LPIN1: variants seen among roughly 807,000 people sequenced by gnomAD.
LPIN1 encodes lipin 1, also known as phosphatidate phosphatase LPIN1.
LPIN1 carries 71 observed loss-of-function variants against 107.5 expected under a neutral mutation model. The ratio of observed to expected loss-of-function variants is 0.66; its 90% CI spans 0.55 to 0.80. LPIN1 has a LOEUF of 0.80. LPIN1 is among the 30% of genes least tolerant of loss of function. LPIN1 has a pLI of 0.00. For synonymous variants in LPIN1, 445 were observed against 452.6 expected (o/e 0.98, Z 0.21); for missense variants, 1,043 against 1,160.6 (o/e 0.90, Z 1.47).
intron 1 of LPIN1, among the ~76,000 whole-genome samples, chr2:11,691,949 AGT>A (rs1219477348): frequency 3.9e-5 from 6 of 152,318 alleles, no homozygotes. Context: ...CTACAATGCG[AGT>A]GTGTGTGTGA....
Position 11,715,431 on chromosome 2 carries a change from G to A in LPIN1, c.138+1619G>A, listed in dbSNP as rs116806929. ...CTTCAAAGGTGAAATTACAGAAAGCGTCCGCCATCCATGGTAGGGGTGTTG... is the reference window on the plus strand; with the variant it reads ...CTTCAAAGGTGAAATTACAGAAAGCATCCGCCATCCATGGTAGGGGTGTTG... On this transcript the variant is annotated intron_variant, in intron 2 of 21. Transcript: ENST00000449576. Among the ~76,000 whole-genome samples, 166 of 152,312 alleles carry A rather than the reference G, an allele frequency of 1.1e-3. 1 individual carries two copies. Among genetic ancestry groups the A allele is most frequent in the African/African-American group, 3.9e-3 (164 of 41,590 alleles).
chr2:11,696,287 G>C (rs1321893835), intron 1 of LPIN1, among the ~76,000 whole-genome samples: 1 of 151,614 alleles, frequency 6.6e-6, no homozygotes, highest in African/African-American at 2.4e-5. Context: ...GTGGTGTTTG[G>C]TTTTCTGATG....
At chr2:11,732,501 T>C (rs909957132) in intron 1 of LPIN1, among the ~76,000 whole-genome samples, 3 of 152,176 alleles carry the variant, frequency 2.0e-5, no homozygotes, top group African/African-American at 7.2e-5. Context: ...CCGCATCAGG[T>C]TGTAGAAATA....
intron 12 of LPIN1, 32 bp from the exon 13 acceptor site, chr2:11,791,882 C>A (rs758819664): frequency 4.2e-5 from 68 of 1,607,328 alleles, no homozygotes; most frequent in Non-Finnish European, 5.6e-5. Flanking sequence ...TTTTTTTGTT[C>A]CATTATTTAT....
Position 11,802,973 on chromosome 2 carries a change from C to T in LPIN1, c.1953C>T (p.His651=). The T allele has an allele frequency of 6.2e-7, 1 of 1,613,358 alleles. No homozygotes were observed. The highest frequency in any genetic ancestry group is 8.5e-7 in the Non-Finnish European group (1 of 1,180,040). The change falls in exon 15 of 21, where the codon CAC becomes CAT. Residue 651 remains histidine, a synonymous_variant. Transcript: ENST00000674199. ...RAAAKPSNAG[H]LPLLPNVSYK... The stretch of plus-strand genomic sequence containing the variant: ...CTGCCAAGCCATCAAACGCAGGCCA[C>T]CTCCCTCTTCTGCCTAATGTCAGCT...
chr2:11,737,037 C>A (rs931002955), intron 1 of LPIN1, among the ~76,000 whole-genome samples: 2 of 152,148 alleles, frequency 1.3e-5, no homozygotes, highest in African/African-American at 4.8e-5. Context: ...GGAAGTGGAC[C>A]AGGAGGAGGG....
intron 1 of LPIN1, among the ~76,000 whole-genome samples, chr2:11,700,468 G>GCTCT (rs147476201): frequency 7.5e-5 from 11 of 147,594 alleles, no homozygotes; most frequent in African/African-American, 7.5e-5. Flanking sequence ...CTCTCTCTCA[G>GCTCT]CTCTCTCTCT....
intron 9 of LPIN1, chr2:11,784,670 G>T: frequency 1.6e-6 from 1 of 632,234 alleles, no homozygotes; most frequent in Non-Finnish European, 2.9e-6. Context: ...GGGGATACAG[G>T]GAGATGCAGC....
chr2:11,784,898 C>T lies in LPIN1; in HGVS notation c.1371C>T (p.Ser457=), dbSNP rs1046050997. The T allele has an allele frequency of 1.2e-6, 2 of 1,613,944 alleles. No homozygotes were observed. Among genetic ancestry groups the T allele is most frequent in the South Asian group, 1.1e-5 (1 of 91,084 alleles). The change falls in exon 10 of 21, where the codon TCC becomes TCT. Residue 457 remains serine, a synonymous_variant. Transcript: ENST00000674199. ...ALYFPKNGDP[S]GLAKHASDNG... is the part of the protein sequence containing the mutation. Reference sequence around the variant, plus strand: ...TTCCTCCTTCCAGCGGAGATCCTTCCGGACTCGCAAAACATGCAAGCGACA... The same window carrying T: ...TTCCTCCTTCCAGCGGAGATCCTTCTGGACTCGCAAAACATGCAAGCGACA...
chr2:11,764,078 GTATATATATATATATATAT>G (rs1670348776), intron 1 of LPIN1: 1 of 63,248 alleles, frequency 1.6e-5, no homozygotes, highest in Non-Finnish European at 3.1e-5. Context: ...GTGTGTGTGT[GTATATATATATATATATAT>G]ATATATACAC....
At chr2:11,733,261 A>G (rs1348913849) in intron 1 of LPIN1, among the ~76,000 whole-genome samples, 1 of 152,142 alleles carries the variant, frequency 6.6e-6, no homozygotes, top group East Asian at 1.9e-4. Context: ...GATTATGGGA[A>G]ATAGATTTTC....
Position 11,741,575 on chromosome 2 carries a change from G to A in LPIN1, c.9+147G>A, listed in dbSNP as rs541344987. 1.3e-4 allele frequency: 80 copies of A among 609,908 alleles called. No homozygotes were observed. The African/African-American group carries it at 1.4e-3, about 11-fold the overall frequency. 37.8% of individuals were successfully genotyped at this position (609,908 alleles called of 1,614,324 possible). On this transcript the variant is annotated intron_variant, in intron 2 of 21. Coordinates refer to the LPIN1 transcript ENST00000396097. ...AGCTCAGGAGTTTGAGACCAGCCTGGGCAACATGGCGAAACCCTGTCTCTA... is the reference window on the plus strand; with the variant it reads ...AGCTCAGGAGTTTGAGACCAGCCTGAGCAACATGGCGAAACCCTGTCTCTA...
intron 1 of LPIN1, among the ~76,000 whole-genome samples, chr2:11,763,973 GTGTGTGTGTGTGTGTA>G (rs1670287016): frequency 6.8e-6 from 1 of 146,014 alleles, no homozygotes; most frequent in African/African-American, 2.6e-5. Context: ...TAGTGTGTGT[GTGTGTGTGTGTGTGTA>G]TATATATATA....
rs1356740292 is a variant in LPIN1 at position 11,785,028 on chromosome 2, G to T, written c.1501G>T (p.Ala501Ser). ...CGGGCTGAGGGACCTCCCTTCCATC[G>T]CCATCTCCCTCTGCGGGGGCCTCAG... Reference protein sequence around the residue: ...SDGLRDLPSIAISLCGGLSDH... With the variant: ...SDGLRDLPSISISLCGGLSDH... The change falls in exon 10 of 21, where the codon GCC (alanine) becomes TCC (serine). Residue 501 changes from alanine to serine, a missense_variant. Physicochemically the swap from Ala to Ser is moderately conservative, Grantham distance 99 (BLOSUM62 1). Coordinates refer to ENST00000674199, the MANE Select transcript of LPIN1 (RefSeq NM_001349206.2). The T allele has an allele frequency of 1.9e-6, 3 of 1,606,744 alleles. No individual in the cohort carries two copies. The highest frequency in any genetic ancestry group is 1.7e-5 in the Admixed American group (1 of 59,760).
At chr2:11,779,398 G>A (rs1031705142) in intron 6 of LPIN1, 121 bp from the exon 7 acceptor site, 7 of 1,087,430 alleles carry the variant, frequency 6.4e-6, no homozygotes, top group East Asian at 5.1e-5. Flanking sequence ...ATGAGGCTCC[G>A]CTCAGAGCGA....
intron 1 of LPIN1, among the ~76,000 whole-genome samples, chr2:11,732,376 G>A (rs2148547235): frequency 6.6e-6 from 1 of 152,258 alleles, no homozygotes; most frequent in Admixed American, 6.5e-5. Context: ...TGGACCCTTT[G>A]GACTTCTGGT....
intron 14 of LPIN1, 45 bp downstream of exon 14, chr2:11,795,532 TC>T: frequency 6.5e-7 from 1 of 1,534,580 alleles, no homozygotes; most frequent in Non-Finnish European, 9.0e-7. Context: ...CCTTTCCGCA[TC>T]CAAGTTCATG....
At chr2:11,713,965 G>A (rs1393809582) in intron 2 of LPIN1, among the ~76,000 whole-genome samples, 1 of 152,200 alleles carries the variant, frequency 6.6e-6, no homozygotes, top group Non-Finnish European at 1.5e-5. Flanking sequence ...GAGATTGCCC[G>A]CAGCACTTGC....
rs554543307 is a variant in LPIN1, at chr2:11,773,748, A to G, written c.722+3A>G. On this transcript the variant is annotated splice_donor_region_variant and intron_variant, in intron 5 of 20. Coordinates refer to ENST00000674199, the MANE Select transcript of LPIN1 (RefSeq NM_001349206.2). ...AGAGAGTGGTCACCCACTCCCAGGT[A>G]AGCTGTTCCCTGTTCCCCTGGCCCA... is the stretch of plus-strand genomic sequence containing the variant. The G allele has an allele frequency of 6.2e-7, 1 of 1,614,140 alleles. No homozygotes were observed. Among genetic ancestry groups the G allele is most frequent in the Admixed American group, 1.7e-5 (1 of 60,022 alleles).
Sources: allele counts gnomAD v4.1 joint callset (sites outside exome capture counted in the v4.1 genomes callset), GRCh38; gene constraint gnomAD v4.1.1; transcripts MANE v1.5; gene names NCBI Gene and HGNC (gene_info 2026-07-23, HGNC 2026-07-21).